ZNF737: variants seen among roughly 807,000 people sequenced by gnomAD.
The protein encoded by ZNF737 is zinc finger protein 737.
In ZNF737, 13 loss-of-function variants were observed where a neutral mutation model predicts 11.7. The ratio of observed to expected loss-of-function variants is 1.11; its 90% CI spans 0.73 to 1.77. The LOEUF (loss-of-function observed/expected upper bound fraction) is 1.77. Among genes scored for constraint, ZNF737 ranks in the 40% most tolerant of loss-of-function variants. The probability of loss-of-function intolerance (pLI) is 0.00; values close to 1 mark genes in which losing one functional copy is unlikely to be tolerated. For synonymous variants in ZNF737, 217 were observed against 216.2 expected, an observed-to-expected ratio of 1.00 and a Z score of -0.03; for missense variants, 636 against 638.0, an observed-to-expected ratio of 1.00 and a Z score of 0.03.
At chr19:20,557,520 G>T (rs1218328107) in intron 1 of ZNF737, among the ~76,000 whole-genome samples, 1 of 149,190 alleles carries the variant, frequency 6.7e-6, no homozygotes. Context: ...AAATCCCAGA[G>T]TTTCTGTAAT....
chr19:20,545,022 T>G lies in ZNF737; in HGVS notation c.1181A>C (p.Glu394Ala). The G allele has an allele frequency of 6.2e-7, 1 of 1,613,908 alleles. No homozygotes were observed. The highest frequency in any genetic ancestry group is 1.3e-5 in the African/African-American group (1 of 75,018). The part of the protein sequence containing the change: ...LTTHKRIHTG[E>A]KPYKCEECGE... ...ACATTCTTCACATTTGTAGGGTTTC[T>G]CTCCAGTATGAATTCTCTTATGTGT... The change falls in exon 4 of 4, where the codon GAG (glutamate) becomes GCG (alanine). Residue 394 changes from glutamate (E) to alanine (A), a missense_variant. By Grantham distance (107) the Glu-to-Ala change is moderately radical. Coordinates refer to ENST00000427401, the MANE Select transcript of ZNF737 (RefSeq NM_001159293.2).
At chr19:20,548,751 A>AT (rs112920788) in intron 3 of ZNF737, among the ~76,000 whole-genome samples, 60,387 of 149,182 alleles carry the variant, frequency 0.4, 12,234 homozygotes, top group Admixed American at 0.48. Flanking sequence ...TATTATTATT[A>AT]TTATTTTTTA....
rs1437527033 is a variant in ZNF737 at position 20,541,359 on chromosome 19, A to G, written c.*3233T>C. The stretch of plus-strand genomic sequence containing the variant: ...CTATGTAAATTAAAACTAAAAGTCT[A>G]TGTGTTTGCAGGCAGAGACCACATG... On this transcript the variant is annotated 3_prime_UTR_variant, in exon 4 of 4. Transcript: ENST00000427401. The G allele has an allele frequency of 1.4e-5, 14 of 983,930 alleles. No individual in the cohort carries two copies. The African/African-American group carries it at 2.4e-4, about 17-fold the overall frequency. The allele number at this position is 983,930 out of a possible 1,614,324, so 60.9% of individuals were successfully genotyped here. A position where few individuals can be genotyped will look rare whatever the true frequency, so the allele number is the denominator to read the frequency against.
chr19:20,563,727 C>T (rs1399207398), intron 1 of ZNF737, among the ~76,000 whole-genome samples: 3 of 152,080 alleles, frequency 2.0e-5, no homozygotes, highest in African/African-American at 4.8e-5. Flanking sequence ...CTCAAGTGAT[C>T]CACTCACCTC....
At chr19:20,532,108 A>G (rs1967844738), downstream of ZNF737, among the ~76,000 whole-genome samples, 1 of 150,234 alleles carries the variant, frequency 6.7e-6, no homozygotes, top group African/African-American at 2.5e-5. Flanking sequence ...TCTGTCCAGG[A>G]CAGTATTTCA....
chr19:20,543,594 T>A lies in ZNF737; in HGVS notation c.*998A>T. The A allele has an allele frequency of 1.0e-6, 1 of 985,496 alleles. No individual in the cohort carries two copies. Among genetic ancestry groups the A allele is most frequent in the Non-Finnish European group, 1.2e-6 (1 of 829,952 alleles). The allele number at this position is 985,496 out of a possible 1,614,324, so 61.0% of individuals were successfully genotyped here. A position where few individuals can be genotyped will look rare whatever the true frequency, so the allele number is the denominator to read the frequency against. On this transcript the variant is annotated 3_prime_UTR_variant, in exon 4 of 4. Transcript: ENST00000427401. Reference sequence around the variant, plus strand: ...TGTGAGATAAGGTGTAAGAACTGATTAAAAGTTTTGCCACATTCTTCACAC... The same window carrying A: ...TGTGAGATAAGGTGTAAGAACTGATAAAAAGTTTTGCCACATTCTTCACAC...
chr19:20,532,878 C>A (rs1967864023), downstream of ZNF737, among the ~76,000 whole-genome samples: 1 of 150,006 alleles, frequency 6.7e-6, no homozygotes, highest in Non-Finnish European at 1.5e-5. Flanking sequence ...TCATCATCAT[C>A]ATCTATCTTC....
intron 1 of ZNF737, 43 bp downstream of exon 1, chr19:20,565,595 C>G: frequency 6.2e-7 from 1 of 1,614,194 alleles, no homozygotes; most frequent in South Asian, 1.1e-5. Context: ...CGGTTCCAAC[C>G]AGCCTATCCC....
Position 20,545,763 on chromosome 19 carries a change from C to A in ZNF737, c.440G>T (p.Cys147Phe). The change falls in exon 4 of 4, where the codon TGT becomes TTT. Residue 147 changes from cysteine (C) to phenylalanine (F), a missense_variant. Transcript: ENST00000427401. Reference protein sequence around the residue: ...LTTTQSKIFQCDKYVKVIHKF... With the variant: ...LTTTQSKIFQFDKYVKVIHKF... ...ATGAATGACTTTCACATATTTATCA[C>A]ACTGAAATATTTTGCTTTGAGTAGT... The A allele has an allele frequency of 6.2e-7, 1 of 1,613,282 alleles. No individual in the cohort carries two copies. Among genetic ancestry groups the A allele is most frequent in the Non-Finnish European group, 8.5e-7 (1 of 1,179,706 alleles).
chr19:20,543,009 G>T lies in ZNF737; in HGVS notation c.*1583C>A, dbSNP rs1968280999. The T allele has an allele frequency of 1.0e-6, 1 of 985,126 alleles. No homozygotes were observed. Among genetic ancestry groups the T allele is most frequent in the Admixed American group, 6.1e-5 (1 of 16,262 alleles). The allele number at this position is 985,126 out of a possible 1,614,324, so 61.0% of individuals were successfully genotyped here. A position where few individuals can be genotyped will look rare whatever the true frequency, so the allele number is the denominator to read the frequency against. ...AATCATTTACCTAAAAACTGCAGTT[G>T]TGGATTAGTTTTTATATTCAATGCT... On this transcript the variant is annotated 3_prime_UTR_variant, in exon 4 of 4. Transcript: ENST00000427401.
downstream of ZNF737, among the ~76,000 whole-genome samples, chr19:20,533,416 A>G (rs1286441018): frequency 6.7e-6 from 1 of 149,974 alleles, no homozygotes; most frequent in African/African-American, 2.5e-5. Flanking sequence ...ATATATACTT[A>G]TACATATTAG....
chr19:20,560,637 G>A (rs1325402355), intron 1 of ZNF737, among the ~76,000 whole-genome samples: 2 of 151,934 alleles, frequency 1.3e-5, no homozygotes, highest in Non-Finnish European at 2.9e-5. Context: ...AGAATTAGCT[G>A]GGTGTGGTGC....
downstream of ZNF737, among the ~76,000 whole-genome samples, chr19:20,533,539 C>T (rs533567383): frequency 2.0e-3 from 301 of 149,680 alleles, 7 homozygotes; most frequent in Non-Finnish European, 3.7e-3. Flanking sequence ...AATTATAGAG[C>T]GTATACTAAG....
At chr19:20,534,224 T>C (rs1170797615), downstream of ZNF737, among the ~76,000 whole-genome samples, 1 of 150,072 alleles carries the variant, frequency 6.7e-6, no homozygotes, top group African/African-American at 2.5e-5. Context: ...GGCAGATCAT[T>C]TGATGTCAGG....
At position 20,549,498 on chromosome 19, in the gene ZNF737, C is replaced by T. The variant is rs191003203; in HGVS notation, c.226+2977G>A. Among the ~76,000 whole-genome samples the T allele has an allele frequency of 1.4e-3, 212 of 152,138 alleles. 1 individual carries two copies. The highest frequency in any genetic ancestry group is 3.4e-3 in the Middle Eastern group (1 of 294). ...CAAAAATTAGCTGAGCATGGTGGCT[C>T]ATGCCTGTAGTCCCAGCTACCCAGG... is the stretch of plus-strand genomic sequence containing the variant. On this transcript the variant is annotated intron_variant, in intron 3 of 3. Transcript: ENST00000427401.
rs577892991 is a variant in ZNF737 at position 20,548,646 on chromosome 19, C to G, written c.227-2670G>C. Among the ~76,000 whole-genome samples the G allele has an allele frequency of 3.7e-3, 567 of 152,004 alleles. 7 individuals carry two copies. Among genetic ancestry groups the G allele is most frequent in the African/African-American group, 0.013 (558 of 41,468 alleles). ...CTTTTTTTTTTGAGACACGGTCTCA[C>G]TCTGTCACCCAAGCTGGAGTGTAGT... On this transcript the variant is annotated intron_variant, in intron 3 of 3. Transcript: ENST00000427401.
Position 20,539,363 on chromosome 19 carries a change from A to ATACTT in ZNF737, c.*5224_*5228dup, listed in dbSNP as rs1968108181. On this transcript the variant is annotated 3_prime_UTR_variant, in exon 4 of 4. Transcript: ENST00000427401. ...AGCCCCTATAAAATACTCCCTTTGA[A>ATACTT]TACTTTAGCCAGGATTTCAGATTTC... 3.0e-6 allele frequency: 3 copies of ATACTT among 985,202 alleles called. No individual in the cohort carries two copies. The South Asian group carries it at 1.4e-4, about 46-fold the overall frequency. 61.0% of individuals were successfully genotyped at this position (985,202 alleles called of 1,614,324 possible).
At chr19:20,551,790 A>G (rs188956741) in intron 3 of ZNF737, among the ~76,000 whole-genome samples, 57 of 152,074 alleles carry the variant, frequency 3.7e-4, no homozygotes, top group Admixed American at 1.2e-3. Context: ...ATTTTAAAAT[A>G]TTTTATGTCT....
downstream of ZNF737, among the ~76,000 whole-genome samples, chr19:20,534,570 GTTTC>G (rs1967913067): frequency 1.3e-5 from 2 of 150,060 alleles, no homozygotes; most frequent in African/African-American, 4.9e-5. Flanking sequence ...TTTTATAAAT[GTTTC>G]TTAAGCATTT....
Sources: allele counts gnomAD v4.1 joint callset (sites outside exome capture counted in the v4.1 genomes callset), GRCh38; gene constraint gnomAD v4.1.1; transcripts MANE v1.5; gene names NCBI Gene and HGNC (gene_info 2026-07-23, HGNC 2026-07-21).